The following CACNG2 variants were observed in gnomAD, a reference collection of about 807,000 sequenced individuals.
CACNG2 encodes calcium voltage-gated channel auxiliary subunit gamma 2, also known as voltage-dependent calcium channel gamma-2 subunit.
In CACNG2, 3 loss-of-function variants were observed where a neutral mutation model predicts 25.9. That is an observed-to-expected ratio of 0.12 (90% CI 0.05 to 0.30). The LOEUF is 0.30. Among genes scored for constraint, CACNG2 ranks in the 10% least tolerant of loss-of-function variants. The pLI is 1.00. For synonymous variants in CACNG2, 167 were observed against 173.3 expected, an observed-to-expected ratio of 0.96 and a Z score of 0.29; for missense variants, 341 against 432.5, an observed-to-expected ratio of 0.79 and a Z score of 1.88.
intron 1 of CACNG2, among the ~76,000 whole-genome samples, chr22:36,684,198 T>C (rs1274681856): frequency 6.6e-6 from 1 of 152,230 alleles, no homozygotes; most frequent in East Asian, 1.9e-4. Flanking sequence ...GATGAACATT[T>C]AAATAGCTTT....
chr22:36,595,470 G>A (rs1935665504), intron 1 of CACNG2, among the ~76,000 whole-genome samples: 1 of 152,252 alleles, frequency 6.6e-6, no homozygotes, highest in Non-Finnish European at 1.5e-5. Flanking sequence ...CCAGGGAGCT[G>A]ATTGTTAAAC....
At chr22:36,681,385 A>G (rs1349954275) in intron 1 of CACNG2, among the ~76,000 whole-genome samples, 1 of 152,178 alleles carries the variant, frequency 6.6e-6, no homozygotes, top group African/African-American at 2.4e-5. Context: ...CTTTTTATTC[A>G]GAGTCGAAAG....
chr22:36,611,168 G>A (rs373918466), intron 1 of CACNG2, among the ~76,000 whole-genome samples: 3 of 152,202 alleles, frequency 2.0e-5, no homozygotes, highest in Admixed American at 6.5e-5. Context: ...CTGCAGCGCT[G>A]TCAAGGGACT....
intron 1 of CACNG2, among the ~76,000 whole-genome samples, chr22:36,615,164 G>T (rs111335733): frequency 3.9e-5 from 6 of 152,300 alleles, no homozygotes; most frequent in South Asian, 2.1e-4. Flanking sequence ...GAAGGTATTC[G>T]CAGCCATATG....
At position 36,561,994 on chromosome 22, in the gene CACNG2, G is replaced by T. The variant is rs1372026340; in HGVS notation, c.*2357C>A. 6.6e-6 allele frequency: 1 copy of T among 152,262 alleles called. No individual in the cohort carries two copies. The highest frequency in any genetic ancestry group is 6.5e-5 in the Admixed American group (1 of 15,278). 9.4% of individuals were successfully genotyped at this position (152,262 alleles called of 1,614,324 possible). On this transcript the variant is annotated 3_prime_UTR_variant, in exon 4 of 4. Transcript: ENST00000300105. ...CCCCCAAAGACACTGGGGAAGCCCT[G>T]GTGGCAGAGCTCTTCTCCCAAGGAA...
At chr22:36,669,508 CAAAAAA>C (rs1157379465) in intron 1 of CACNG2, among the ~76,000 whole-genome samples, 9 of 61,648 alleles carry the variant, frequency 1.5e-4, no homozygotes, top group African/African-American at 4.2e-4. Flanking sequence ...ACTCTATCTC[CAAAAAA>C]AAAAAAAAAA....
At chr22:36,635,092 G>T (rs1351136132) in intron 1 of CACNG2, among the ~76,000 whole-genome samples, 1 of 152,076 alleles carries the variant, frequency 6.6e-6, no homozygotes, top group Non-Finnish European at 1.5e-5. Context: ...GACCATCCTG[G>T]CTAACATGGT....
At chr22:36,635,283 CAAAAAAA>C (rs138390510) in intron 1 of CACNG2, among the ~76,000 whole-genome samples, 2 of 67,612 alleles carry the variant, frequency 3.0e-5, no homozygotes, top group Admixed American at 1.8e-4. Flanking sequence ...GACCCCGTCT[CAAAAAAA>C]AAAAAAAAAG....
intron 1 of CACNG2, among the ~76,000 whole-genome samples, chr22:36,613,569 T>C (rs1486542583): frequency 6.6e-6 from 1 of 152,150 alleles, no homozygotes; most frequent in Non-Finnish European, 1.5e-5. Context: ...TCTGATTATC[T>C]TGTACATTTG....
chr22:36,661,928 T>C (rs1936802377), intron 1 of CACNG2, among the ~76,000 whole-genome samples: 1 of 151,496 alleles, frequency 6.6e-6, no homozygotes, highest in Admixed American at 6.6e-5. Context: ...GCTGGTGTGT[T>C]GATAACAGGT....
intron 1 of CACNG2, among the ~76,000 whole-genome samples, chr22:36,611,201 C>A (rs1418425877): frequency 6.6e-6 from 1 of 152,056 alleles, no homozygotes; most frequent in Non-Finnish European, 1.5e-5. Flanking sequence ...ATGGTGCCTC[C>A]CAGCCTTGAG....
intron 3 of CACNG2, 129 bp downstream of exon 3, chr22:36,566,224 A>C: frequency 1.0e-6 from 1 of 958,980 alleles, no homozygotes; most frequent in Admixed American, 1.9e-5. Context: ...CCCCTGCAAC[A>C]CGACCTAGTG....
intron 1 of CACNG2, among the ~76,000 whole-genome samples, chr22:36,598,370 C>A (rs926276639): frequency 6.6e-6 from 1 of 152,238 alleles, no homozygotes; most frequent in Non-Finnish European, 1.5e-5. Context: ...ATAATCCCAG[C>A]ACGTTGGGAG....
intron 1 of CACNG2, among the ~76,000 whole-genome samples, chr22:36,593,280 T>G (rs926543): frequency 0.93 from 141,782 of 152,290 alleles, 66,104 homozygotes; most frequent in African/African-American, 0.98. Flanking sequence ...GGGGCTGATT[T>G]CCTGGTTGTG....
At chr22:36,646,641 C>T (rs574422761) in intron 1 of CACNG2, among the ~76,000 whole-genome samples, 4 of 151,828 alleles carry the variant, frequency 2.6e-5, no homozygotes, top group Non-Finnish European at 5.9e-5. Context: ...CCTCAACAGA[C>T]GCTTTGAGCT....
intron 1 of CACNG2, among the ~76,000 whole-genome samples, chr22:36,623,012 G>T (rs9754467): frequency 0.033 from 1,515 of 45,726 alleles, 183 homozygotes; most frequent in African/African-American, 0.063. Flanking sequence ...CAAAACATGG[G>T]TTTTTTTTTT....
At chr22:36,693,861 C>A (rs775925556) in intron 1 of CACNG2, among the ~76,000 whole-genome samples, 2 of 152,186 alleles carry the variant, frequency 1.3e-5, no homozygotes, top group Non-Finnish European at 2.9e-5. Flanking sequence ...ATCCCCTGTG[C>A]GTACATTTCA....
chr22:36,628,466 G>T (rs1005187871), intron 1 of CACNG2, among the ~76,000 whole-genome samples: 4 of 152,238 alleles, frequency 2.6e-5, no homozygotes, highest in African/African-American at 7.2e-5. Flanking sequence ...GCAAGGGAAA[G>T]TTTCTCTCCG....
At position 36,587,525 on chromosome 22, in the gene CACNG2, G is replaced by T; in HGVS notation, c.235C>A (p.Gln79Lys). The T allele has an allele frequency of 6.2e-7, 1 of 1,613,298 alleles. No individual in the cohort carries two copies. The highest frequency in any genetic ancestry group is 8.5e-7 in the Non-Finnish European group (1 of 1,179,172). ...LEGNFKGLCK[Q>K]IDHFPEDADY... ...GCATCCTCTGGGAAGTGATCAATTT[G>T]CTTGCACAGACCTTTGAAATTCCCT... Residue 79 changes from glutamine (Q) to lysine (K), a missense_variant, in exon 2 of 4, where the codon CAA (glutamine) becomes AAA (lysine). By Grantham distance (53) the Gln-to-Lys change is moderately conservative. Coordinates refer to ENST00000300105, the MANE Select transcript of CACNG2 (RefSeq NM_006078.5).
Sources: allele counts gnomAD v4.1 joint callset (sites outside exome capture counted in the v4.1 genomes callset), GRCh38; gene constraint gnomAD v4.1.1; transcripts MANE v1.5; gene names NCBI Gene and HGNC (gene_info 2026-07-23, HGNC 2026-07-21).